MAPKAP1: variants seen among roughly 807,000 people sequenced by gnomAD.
The protein encoded by MAPKAP1 is MAPK associated protein 1.
MAPKAP1 carries 20 observed loss-of-function variants against 65.7 expected under a neutral mutation model. The observed-to-expected ratio is 0.30, with a 90% CI of 0.21 to 0.44. MAPKAP1 has a LOEUF of 0.44. Among genes scored for constraint, MAPKAP1 ranks in the 20% least tolerant of loss-of-function variants. The pLI is 1.00. For missense variants in MAPKAP1, 423 were observed against 648.0 expected (o/e 0.65, Z 3.77); for synonymous variants, 222 against 244.3 (o/e 0.91, Z 0.85).
chr9:125,465,359 T>C (rs1187177300), intron 10 of MAPKAP1, among the ~76,000 whole-genome samples: 1 of 152,174 alleles, frequency 6.6e-6, no homozygotes, highest in Non-Finnish European at 1.5e-5. Flanking sequence ...TTTTCTAAGG[T>C]TCAACAGACA....
chr9:125,643,003 G>A (rs973215377), intron 4 of MAPKAP1, among the ~76,000 whole-genome samples: 15 of 150,124 alleles, frequency 1.0e-4, no homozygotes, highest in Admixed American at 5.3e-4. Flanking sequence ...AGGTTCAAGC[G>A]ATTCTCCTGC....
At chr9:125,564,393 C>T (rs1322762330) in intron 5 of MAPKAP1, among the ~76,000 whole-genome samples, 4 of 152,060 alleles carry the variant, frequency 2.6e-5, no homozygotes, top group Admixed American at 1.3e-4. Flanking sequence ...TAATTTTATA[C>T]ACTTTCCAAA....
intron 4 of MAPKAP1, among the ~76,000 whole-genome samples, chr9:125,603,592 G>A (rs954591499): frequency 1.3e-5 from 2 of 152,210 alleles, no homozygotes; most frequent in Admixed American, 6.5e-5. Flanking sequence ...CCCCCTGGCA[G>A]TATTTTCCTT....
rs35917056 is a variant in MAPKAP1, at chr9:125,597,264, C to CAAAAAAA, written c.499-11544_499-11538dup. On this transcript the variant is annotated intron_variant, in intron 4 of 11. Transcript: ENST00000265960. ...TGGACGACAGAGCGAGACTCCGTCT[C>CAAAAAAA]AAAAAAAAAAAAAAAAAAAAAAAAA... Among the ~76,000 whole-genome samples, 27 of 52,676 alleles carry CAAAAAAA rather than the reference C, an allele frequency of 5.1e-4. 1 individual carries two copies. Among genetic ancestry groups the CAAAAAAA allele is most frequent in the African/African-American group, 2.4e-3 (27 of 11,146 alleles). The allele number at this position is 52,676 out of a possible 152,430, so 34.6% of individuals were successfully genotyped here.
intron 5 of MAPKAP1, among the ~76,000 whole-genome samples, chr9:125,563,480 T>G (rs886669948): frequency 6.6e-6 from 1 of 152,240 alleles, no homozygotes; most frequent in Admixed American, 6.5e-5. Flanking sequence ...CAATTCTCCT[T>G]TGTGGTCTTA....
chr9:125,606,235 G>A (rs562976374), intron 4 of MAPKAP1, among the ~76,000 whole-genome samples: 4 of 152,034 alleles, frequency 2.6e-5, no homozygotes, highest in East Asian at 3.8e-4. Flanking sequence ...ATAGGGAGGC[G>A]GGGGGAAGAA....
intron 1 of MAPKAP1, among the ~76,000 whole-genome samples, chr9:125,682,240 T>A (rs1834845388): frequency 6.6e-6 from 1 of 152,176 alleles, no homozygotes; most frequent in Non-Finnish European, 1.5e-5. Flanking sequence ...TAGACTTTGG[T>A]ATCAGAAATG....
chr9:125,459,650 G>GA (rs1398855912), intron 10 of MAPKAP1, among the ~76,000 whole-genome samples: 1 of 151,986 alleles, frequency 6.6e-6, no homozygotes, highest in Non-Finnish European at 1.5e-5. Flanking sequence ...CCGTCTCCAC[G>GA]AAAAAAATAC....
At chr9:125,465,016 A>G (rs1172024197) in intron 10 of MAPKAP1, among the ~76,000 whole-genome samples, 1 of 152,172 alleles carries the variant, frequency 6.6e-6, no homozygotes, top group Non-Finnish European at 1.5e-5. Flanking sequence ...TATCCTCCCT[A>G]CACTTAATGT....
chr9:125,601,739 A>G (rs1832304741), intron 4 of MAPKAP1, among the ~76,000 whole-genome samples: 2 of 152,314 alleles, frequency 1.3e-5, no homozygotes, highest in South Asian at 4.1e-4. Context: ...ATAGGTTCAC[A>G]TTTCTTCAAT....
intron 8 of MAPKAP1, among the ~76,000 whole-genome samples, chr9:125,489,474 T>C (rs1854621033): frequency 6.6e-6 from 1 of 152,186 alleles, no homozygotes; most frequent in Non-Finnish European, 1.5e-5. Context: ...CAAAGATGTA[T>C]TGTGATAGAT....
At chr9:125,543,503 A>C (rs2793134) in intron 6 of MAPKAP1, among the ~76,000 whole-genome samples, 150,996 of 151,874 alleles carry the variant, frequency 0.99, 75,068 homozygotes, top group Middle Eastern at 1. Flanking sequence ...GTCTCGATCT[A>C]TTGACCTCGT....
intron 4 of MAPKAP1, among the ~76,000 whole-genome samples, chr9:125,647,527 C>T (rs1347172642): frequency 1.3e-5 from 2 of 152,166 alleles, no homozygotes; most frequent in Non-Finnish European, 2.9e-5. Context: ...TCTATAGTGC[C>T]CATCACATTT....
At chr9:125,511,195 C>G (rs185604349) in intron 7 of MAPKAP1, among the ~76,000 whole-genome samples, 3 of 151,092 alleles carry the variant, frequency 2.0e-5, no homozygotes, top group Non-Finnish European at 4.4e-5. Context: ...TCATCATCAT[C>G]ATCATCATCA....
At chr9:125,508,744 A>G (rs1829216096) in intron 7 of MAPKAP1, among the ~76,000 whole-genome samples, 1 of 152,078 alleles carries the variant, frequency 6.6e-6, no homozygotes, top group Non-Finnish European at 1.5e-5. Context: ...AGTCCCAGCT[A>G]CTGGGGAGGC....
intron 8 of MAPKAP1, among the ~76,000 whole-genome samples, chr9:125,500,185 T>TG (rs1273104522): frequency 1.3e-5 from 2 of 152,108 alleles, no homozygotes; most frequent in Non-Finnish European, 2.9e-5. Flanking sequence ...TTTTTTGAGA[T>TG]GGAGTCTCGC....
rs183225492 is a variant in MAPKAP1, at chr9:125,653,817, G to T, written c.498+3834C>A. ...CCTATTTGATGGTCTCATGAGGCTT[G>T]TGAGGAACTCACACCCATCTCCTTT... On this transcript the variant is annotated intron_variant, in intron 4 of 11. Coordinates refer to ENST00000265960, the MANE Select transcript of MAPKAP1 (RefSeq NM_001006617.3). Among the ~76,000 whole-genome samples the T allele has an allele frequency of 8.5e-5, 13 of 152,274 alleles. No individual in the cohort carries two copies. The East Asian group carries it at 2.5e-3, about 29-fold the overall frequency.
chr9:125,555,844 C>T (rs1282071038), intron 6 of MAPKAP1, among the ~76,000 whole-genome samples: 1 of 152,170 alleles, frequency 6.6e-6, no homozygotes, highest in East Asian at 1.9e-4. Flanking sequence ...AAAGTTATTC[C>T]AATTCAGCTT....
At chr9:125,571,147 TTATTGG>T (rs1831217705) in intron 5 of MAPKAP1, among the ~76,000 whole-genome samples, 1 of 152,222 alleles carries the variant, frequency 6.6e-6, no homozygotes, top group Admixed American at 6.5e-5. Context: ...CATAAATGTG[TTATTGG>T]TATATGTTCC....
Sources: allele counts gnomAD v4.1 joint callset (sites outside exome capture counted in the v4.1 genomes callset), GRCh38; gene constraint gnomAD v4.1.1; transcripts MANE v1.5; gene names NCBI Gene and HGNC (gene_info 2026-07-23, HGNC 2026-07-21).